Variants in DNAAF4 observed in about 807,000 individuals in gnomAD.
DNAAF4 encodes dynein assembly factor 4, axonemal.
A neutral mutation model predicts 51.8 loss-of-function variants in DNAAF4; 43 were observed. The observed-to-expected ratio is 0.83, with a 90% confidence interval of 0.65 to 1.07. The LOEUF (loss-of-function observed/expected upper bound fraction) is 1.07. Ranked by LOEUF, DNAAF4 falls within the 50% of genes least tolerant of loss-of-function variation. The pLI, the probability that DNAAF4 is intolerant of heterozygous loss-of-function variation, is 0.00. For missense variants in DNAAF4, 581 were observed against 493.0 expected, an observed-to-expected ratio of 1.18 and a Z score of -1.69; for synonymous variants, 194 against 165.6, an observed-to-expected ratio of 1.17 and a Z score of -1.32.
intron 6 of DNAAF4, among the ~76,000 whole-genome samples, 191 bp from the exon 7 acceptor site, chr15:55,439,772 A>G (rs1468888104): frequency 2.6e-5 from 4 of 152,112 alleles, no homozygotes; most frequent in Admixed American, 2.0e-4. Context: ...GGTATTTGGT[A>G]GTGGGGCCTC....
intron 6 of DNAAF4, among the ~76,000 whole-genome samples, chr15:55,449,489 C>T (rs544513118): frequency 5.3e-4 from 79 of 149,174 alleles, no homozygotes; most frequent in South Asian, 5.0e-3. Flanking sequence ...ATGGTGAAAC[C>T]CCATCTCTAC....
chr15:55,442,908 T>C, intron 6 of DNAAF4: 1 of 1,612,192 alleles, frequency 6.2e-7, no homozygotes, highest in Non-Finnish European at 8.5e-7. Context: ...CATGAATCAA[T>C]CCAGGTGGTC....
rs191645979 is a variant in DNAAF4, at chr15:55,431,993, T to C, written c.1153+504A>G. On this transcript the variant is annotated intron_variant, in intron 9 of 9. Transcript: ENST00000321149. ...TTTTTGAGAAGGAGTTTCGCTGTTG[T>C]TGCCCAGGCTGGAGTGCAATGACAT... Among the ~76,000 whole-genome samples, 628 of 152,066 alleles carry C rather than the reference T, an allele frequency of 4.1e-3. 6 individuals carry two copies. The highest frequency in any genetic ancestry group is 0.014 in the African/African-American group (583 of 41,502).
chr15:55,446,296 CGG>C (rs569820152), intron 6 of DNAAF4, among the ~76,000 whole-genome samples: 1 of 19,254 alleles, frequency 5.2e-5, no homozygotes, highest in Admixed American at 7.8e-4. Flanking sequence ...ACATCCCAGA[CGG>C]GGGGGGGGGG....
intron 3 of DNAAF4, among the ~76,000 whole-genome samples, chr15:55,492,211 G>A (rs919415167): frequency 5.5e-5 from 5 of 90,600 alleles, no homozygotes; most frequent in Admixed American, 8.7e-5. Flanking sequence ...TGAAGACTAC[G>A]ATCAATGGGT....
chr15:55,428,587 C>T (rs1439623267), downstream of DNAAF4, among the ~76,000 whole-genome samples: 1 of 148,162 alleles, frequency 6.7e-6, no homozygotes, highest in Non-Finnish European at 1.5e-5. Context: ...CTCCGCCTCC[C>T]GAGTTCTCGC....
At chr15:55,455,152 A>G (rs1567014299) in intron 5 of DNAAF4, among the ~76,000 whole-genome samples, 1 of 149,900 alleles carries the variant, frequency 6.7e-6, no homozygotes. Flanking sequence ...TCCATAAAAA[A>G]ACTCCAGACC....
At position 55,498,193 on chromosome 15, in the gene DNAAF4, A is replaced by G; in HGVS notation, c.123+14T>C. ...ACACCCCCGGAGACCGGCAGGCAAG[A>G]CTTGCATTCTTACCTTCAGATAGTT... is the stretch of plus-strand genomic sequence containing the variant. On this transcript the variant is annotated intron_variant, in intron 2 of 9. Transcript: ENST00000321149. 1.2e-6 allele frequency: 2 copies of G among 1,613,988 alleles called. No individual in the cohort carries two copies. The highest frequency in any genetic ancestry group is 1.7e-6 in the Non-Finnish European group (2 of 1,179,964).
intron 5 of DNAAF4, among the ~76,000 whole-genome samples, chr15:55,454,986 A>G (rs2057995604): frequency 6.6e-6 from 1 of 151,616 alleles, no homozygotes; most frequent in Non-Finnish European, 1.5e-5. Flanking sequence ...ATAATTATAG[A>G]TAAAGTACAG....
At chr15:55,447,225 G>T (rs541024172) in intron 6 of DNAAF4, among the ~76,000 whole-genome samples, 95 of 150,572 alleles carry the variant, frequency 6.3e-4, no homozygotes, top group African/African-American at 2.3e-3. Context: ...CGGGGCAGCC[G>T]GGCAGAGGCG....
chr15:55,432,478 A>AT lies in DNAAF4; in HGVS notation c.1153+18dup. On this transcript the variant is annotated intron_variant, in intron 9 of 9. Coordinates refer to ENST00000321149, the MANE Select transcript of DNAAF4 (RefSeq NM_130810.4). ...CAGAGTATAACTTGGGACTTAAACCATTTCTATCAATTCCTTACCTTCTAC... is the reference window on the plus strand; with the variant it reads ...CAGAGTATAACTTGGGACTTAAACCATTTTCTATCAATTCCTTACCTTCTAC... 2 of 1,596,758 alleles carry AT rather than the reference A, an allele frequency of 1.3e-6. No homozygotes were observed. The highest frequency in any genetic ancestry group is 1.7e-6 in the Non-Finnish European group (2 of 1,167,626).
chr15:55,427,333 T>C (rs1227019269), downstream of DNAAF4, among the ~76,000 whole-genome samples: 1 of 152,204 alleles, frequency 6.6e-6, no homozygotes, highest in Non-Finnish European at 1.5e-5. Flanking sequence ...CCCAAAGTGC[T>C]GGGATTACAG....
At chr15:55,469,342 AAG>A (rs2058216184) in intron 4 of DNAAF4, among the ~76,000 whole-genome samples, 1 of 151,848 alleles carries the variant, frequency 6.6e-6, no homozygotes, top group African/African-American at 2.4e-5. Flanking sequence ...AAAAAAAAGA[AAG>A]AAAGAAAGAA....
chr15:55,464,387 G>C (rs1315673800), intron 5 of DNAAF4, among the ~76,000 whole-genome samples: 1 of 152,090 alleles, frequency 6.6e-6, no homozygotes, highest in Non-Finnish European at 1.5e-5. Context: ...TCTAACACTG[G>C]CTTAGGCAAA....
chr15:55,432,315 AT>A (rs2057509264), intron 9 of DNAAF4, among the ~76,000 whole-genome samples, 181 bp downstream of exon 9: 1 of 152,188 alleles, frequency 6.6e-6, no homozygotes, highest in African/African-American at 2.4e-5. Flanking sequence ...TCTACAATGA[AT>A]TTTTTAAATA....
Position 55,432,215 on chromosome 15 carries a change from T to G in DNAAF4, c.1153+282A>C, listed in dbSNP as rs565440885. On this transcript the variant is annotated intron_variant, in intron 9 of 9. Coordinates refer to ENST00000321149, the MANE Select transcript of DNAAF4 (RefSeq NM_130810.4). ...ATCCACCCGCCTCTGCCTCCCAAAGTGCTGGGATTACAGGCATGAGCATCT... is the reference window on the plus strand; with the variant it reads ...ATCCACCCGCCTCTGCCTCCCAAAGGGCTGGGATTACAGGCATGAGCATCT... Among the ~76,000 whole-genome samples the G allele has an allele frequency of 2.0e-5, 3 of 152,214 alleles. No homozygotes were observed. In the South Asian group the frequency reaches 6.2e-4, roughly 32 times the overall value.
Position 55,430,474 on chromosome 15 carries a change from T to A in DNAAF4, c.*196A>T, listed in dbSNP as rs923207160. The A allele has an allele frequency of 1.5e-5, 16 of 1,097,820 alleles. No homozygotes were observed. The highest frequency in any genetic ancestry group is 4.3e-5 in the Admixed American group (1 of 23,104). 68.0% of individuals were successfully genotyped at this position (1,097,820 alleles called of 1,614,324 possible). A position where few individuals can be genotyped will look rare whatever the true frequency, so the allele number is the denominator to read the frequency against. ...GAAGAAATAAGGAATTAAAATAGATTCTTATTTAGATTTACTTATTCAGAA... is the reference window on the plus strand; with the variant it reads ...GAAGAAATAAGGAATTAAAATAGATACTTATTTAGATTTACTTATTCAGAA... On this transcript the variant is annotated 3_prime_UTR_variant, in exon 10 of 10. Transcript: ENST00000321149.
Position 55,498,406 on chromosome 15 carries a change from C to T in DNAAF4, c.-77G>A. On this transcript the variant is annotated 5_prime_UTR_variant, in exon 2 of 10. An upstream start codon of the reference 5' UTR is lost. Transcript: ENST00000321149. ...TGGTTGCTAGGGAAGCTGGGGTTACCATGCGCCAGCCCTTCCGGGTCAGGC... is the reference window on the plus strand; with the variant it reads ...TGGTTGCTAGGGAAGCTGGGGTTACTATGCGCCAGCCCTTCCGGGTCAGGC... 1 of 1,546,722 alleles carries T rather than the reference C, an allele frequency of 6.5e-7. No individual in the cohort carries two copies. Among genetic ancestry groups the T allele is most frequent in the South Asian group, 1.2e-5 (1 of 81,942 alleles).
At chr15:55,471,415 G>A (rs1291092492) in intron 4 of DNAAF4, among the ~76,000 whole-genome samples, 2 of 152,016 alleles carry the variant, frequency 1.3e-5, no homozygotes, top group Admixed American at 1.3e-4. Context: ...CCATCACTCA[G>A]AAAATTACAT....
Sources: gnomAD v4.1 joint callset for allele counts (sites outside exome capture counted in the v4.1 genomes callset) on GRCh38, gnomAD v4.1.1 for gene constraint, MANE v1.5 for transcripts, NCBI Gene and HGNC (gene_info 2026-07-23, HGNC 2026-07-21) for gene names.